Variants in PPP2R2B observed in about 807,000 individuals in gnomAD.
PPP2R2B encodes the protein serine/threonine-protein phosphatase 2A 55 kDa regulatory subunit B beta isoform.
Under a neutral mutation model 46.0 loss-of-function variants are expected in PPP2R2B, and 5 were observed. The ratio of observed to expected loss-of-function variants is 0.11; its 90% CI spans 0.06 to 0.23. The LOEUF (loss-of-function observed/expected upper bound fraction) is 0.23. PPP2R2B is among the 10% of genes least tolerant of loss of function. The pLI is 1.00. For synonymous variants in PPP2R2B, 215 were observed against 206.7 expected (o/e 1.04, Z -0.34); for missense variants, 367 against 575.0 (o/e 0.64, Z 3.70).
At chr5:147,074,366 A>G (rs1757697288) in intron 2 of PPP2R2B, among the ~76,000 whole-genome samples, 1 of 152,220 alleles carries the variant, frequency 6.6e-6, no homozygotes, top group South Asian at 2.1e-4. Context: ...AATTCTTTTC[A>G]TTGCCAGCCC....
chr5:147,068,899 T>C (rs1425374931), intron 2 of PPP2R2B, among the ~76,000 whole-genome samples: 1 of 152,172 alleles, frequency 6.6e-6, no homozygotes, highest in East Asian at 1.9e-4. Flanking sequence ...CAAACGACTG[T>C]GCCATAATTT....
At chr5:147,042,624 A>C (rs1209828825) in intron 1 of PPP2R2B, among the ~76,000 whole-genome samples, 1 of 152,164 alleles carries the variant, frequency 6.6e-6, no homozygotes, top group Non-Finnish European at 1.5e-5. Context: ...ATTCACTACT[A>C]TATGCCAGGT....
chr5:146,862,503 G>A lies in PPP2R2B; in HGVS notation c.70+15499C>T, dbSNP rs1761063337. Among the ~76,000 whole-genome samples the A allele has an allele frequency of 2.0e-5, 3 of 152,182 alleles. No individual in the cohort carries two copies. The South Asian group carries it at 6.2e-4, about 32-fold the overall frequency. On this transcript the variant is annotated intron_variant, in intron 2 of 9. Transcript: ENST00000394411. ...ATATCTATAAGCTCATAGGATTGCT[G>A]TGGTGATCAAACAACTTGAGGAATT...
At chr5:146,735,417 A>G (rs1222088094) in intron 2 of PPP2R2B, among the ~76,000 whole-genome samples, 1 of 152,050 alleles carries the variant, frequency 6.6e-6, no homozygotes, top group East Asian at 1.9e-4. Flanking sequence ...GGCATGGTAT[A>G]TACTGACCAG....
intron 2 of PPP2R2B, among the ~76,000 whole-genome samples, chr5:146,777,367 C>G (rs1755249284): frequency 6.6e-6 from 1 of 151,962 alleles, no homozygotes; most frequent in South Asian, 2.1e-4. Context: ...AAGTTACACA[C>G]AAAAAGACAA....
chr5:147,001,225 T>A (rs996095700), intron 1 of PPP2R2B, among the ~76,000 whole-genome samples: 46 of 152,170 alleles, frequency 3.0e-4, no homozygotes, highest in African/African-American at 1.1e-3. Flanking sequence ...CCTGCTCAGG[T>A]CCCCTTCCAC....
intron 1 of PPP2R2B, among the ~76,000 whole-genome samples, chr5:146,960,676 A>G (rs1352039492): frequency 1.3e-5 from 2 of 152,188 alleles, no homozygotes; most frequent in Non-Finnish European, 1.5e-5. Context: ...TCAAAAACCT[A>G]ACCAAATTAG....
intron 1 of PPP2R2B, among the ~76,000 whole-genome samples, chr5:146,979,308 A>T (rs1753057298): frequency 6.6e-6 from 1 of 152,030 alleles, no homozygotes; most frequent in Non-Finnish European, 1.5e-5. Context: ...TTCCTTATTC[A>T]TCATTTTCTG....
chr5:146,678,221 T>C (rs1163172525), intron 5 of PPP2R2B, among the ~76,000 whole-genome samples: 2 of 152,068 alleles, frequency 1.3e-5, no homozygotes, highest in Non-Finnish European at 2.9e-5. Context: ...ATCCCTGGGA[T>C]GCAAGGCTGG....
chr5:146,742,872 T>C (rs1752960167), intron 2 of PPP2R2B, among the ~76,000 whole-genome samples: 1 of 152,086 alleles, frequency 6.6e-6, no homozygotes, highest in African/African-American at 2.4e-5. Context: ...ATGAAGGCGA[T>C]GAAGGCGAAG....
chr5:146,650,399 G>C, intron 6 of PPP2R2B, 148 bp downstream of exon 6: 1 of 671,696 alleles, frequency 1.5e-6, no homozygotes, highest in Non-Finnish European at 2.5e-6. Context: ...TGATTAAAGA[G>C]TCTCATAGGT....
At chr5:146,708,012 A>G (rs952816833) in intron 2 of PPP2R2B, among the ~76,000 whole-genome samples, 3 of 152,186 alleles carry the variant, frequency 2.0e-5, no homozygotes, top group Non-Finnish European at 2.9e-5. Context: ...AAACTGAATG[A>G]AAGATTTTAG....
chr5:146,708,165 G>A (rs562587389), intron 2 of PPP2R2B, among the ~76,000 whole-genome samples: 1 of 152,078 alleles, frequency 6.6e-6, no homozygotes, highest in Non-Finnish European at 1.5e-5. Flanking sequence ...AGACCAGGCT[G>A]GGCAGCATGG....
intron 5 of PPP2R2B, among the ~76,000 whole-genome samples, chr5:146,684,442 G>A (rs1420325761): frequency 6.6e-6 from 1 of 152,186 alleles, no homozygotes; most frequent in Admixed American, 6.5e-5. Flanking sequence ...GCTATAGACA[G>A]ACAGAACGTG....
intron 7 of PPP2R2B, 59 bp from the exon 8 acceptor site, chr5:146,600,519 T>C (rs1771679324): frequency 6.5e-7 from 1 of 1,546,336 alleles, no homozygotes; most frequent in South Asian, 1.2e-5. Context: ...GACTCTAACA[T>C]GTTTGGACTG....
chr5:146,609,864 T>C (rs1772695648), intron 7 of PPP2R2B, among the ~76,000 whole-genome samples: 1 of 140,130 alleles, frequency 7.1e-6, no homozygotes, highest in Non-Finnish European at 1.5e-5. Flanking sequence ...TCTCGCTGAT[T>C]GCTAGCACAG....
chr5:146,658,376 C>G (rs1476286637), intron 5 of PPP2R2B, among the ~76,000 whole-genome samples: 2 of 152,174 alleles, frequency 1.3e-5, no homozygotes, highest in Non-Finnish European at 2.9e-5. Context: ...CTTCAAGAAA[C>G]AGCCTTCATG....
At chr5:147,080,426 T>C (rs1356507396) in intron 2 of PPP2R2B, among the ~76,000 whole-genome samples, 2 of 152,186 alleles carry the variant, frequency 1.3e-5, no homozygotes, top group African/African-American at 4.8e-5. Context: ...CAATTGCCTA[T>C]CATCCAGTGT....
At chr5:146,991,047 T>A (rs1380366778) in intron 1 of PPP2R2B, among the ~76,000 whole-genome samples, 1 of 152,008 alleles carries the variant, frequency 6.6e-6, no homozygotes, top group African/African-American at 2.4e-5. Flanking sequence ...TTAGAATGAA[T>A]ATCATTAAAA....
Sources: gnomAD v4.1 joint callset for allele counts (sites outside exome capture counted in the v4.1 genomes callset) on GRCh38, gnomAD v4.1.1 for gene constraint, MANE v1.5 for transcripts, NCBI Gene and HGNC (gene_info 2026-07-23, HGNC 2026-07-21) for gene names.